The following CLCC1 variants were observed in gnomAD, a reference collection of about 807,000 sequenced individuals.
CLCC1 encodes chloride channel CLIC-like protein 1.
In CLCC1, 39 loss-of-function variants were observed where a neutral mutation model predicts 63.3. The observed-to-expected ratio is 0.62, with a 90% CI of 0.48 to 0.81. CLCC1 has a LOEUF of 0.81. CLCC1 is among the 30% of genes least tolerant of loss of function. CLCC1 has a pLI of 0.00. For missense variants in CLCC1, 549 were observed against 669.4 expected (o/e 0.82, Z 1.98); for synonymous variants, 217 against 239.8 (o/e 0.90, Z 0.88).
In CLCC1 at chr1:108,954,545, A is replaced by G. The variant is rs1325977226; in HGVS notation, c.-11-4097T>C. 4.0e-5 allele frequency among the ~76,000 whole-genome samples: 6 copies of G among 151,060 alleles called. 1 individual carries two copies. The highest frequency in any genetic ancestry group is 1.2e-4 in the African/African-American group (5 of 40,438). ...CCACCACCAGCACTAAGCGCACAGG[A>G]GGAGGAAAACCTGGATTCATTATCC... is the stretch of plus-strand genomic sequence containing the variant. On this transcript the variant is annotated intron_variant, in intron 2 of 12. Coordinates refer to ENST00000369969, the MANE Select transcript of CLCC1 (RefSeq NM_001377458.1).
At chr1:108,961,296 A>C (rs1009331973) in intron 2 of CLCC1, among the ~76,000 whole-genome samples, 2 of 151,740 alleles carry the variant, frequency 1.3e-5, no homozygotes, top group Non-Finnish European at 2.9e-5. Flanking sequence ...AAAAAAAAAA[A>C]AAACGATTCT....
intron 5 of CLCC1, among the ~76,000 whole-genome samples, chr1:108,944,642 T>A (rs1275051516): frequency 6.6e-6 from 1 of 152,062 alleles, no homozygotes; most frequent in Non-Finnish European, 1.5e-5. Flanking sequence ...CGTCTTTTTT[T>A]TTTTTTAGAT....
intron 10 of CLCC1, 37 bp from the exon 11 acceptor site, chr1:108,937,455 A>G (rs552160296): frequency 8.1e-6 from 12 of 1,479,570 alleles, no homozygotes; most frequent in Middle Eastern, 1.8e-4. Flanking sequence ...TGAGGACTCA[A>G]TGGCTAACTT....
chr1:108,942,903 G>A (rs1332633507), intron 7 of CLCC1, among the ~76,000 whole-genome samples: 1 of 151,880 alleles, frequency 6.6e-6, no homozygotes, highest in Non-Finnish European at 1.5e-5. Flanking sequence ...TATCCACATA[G>A]CTTTATTCTT....
chr1:108,933,568 CTT>C (rs1200049122), intron 12 of CLCC1: 4 of 152,360 alleles, frequency 2.6e-5, no homozygotes, highest in South Asian at 2.1e-4. Flanking sequence ...AATTTAAAGA[CTT>C]TATTCCTGAC....
At chr1:108,945,042 A>T (rs1452180633) in intron 5 of CLCC1, among the ~76,000 whole-genome samples, 1 of 152,244 alleles carries the variant, frequency 6.6e-6, no homozygotes, top group Non-Finnish European at 1.5e-5. Context: ...TAACATTTTT[A>T]TCAATTGATC....
intron 2 of CLCC1, among the ~76,000 whole-genome samples, chr1:108,960,009 T>TA (rs1217384321): frequency 1.3e-5 from 2 of 152,016 alleles, no homozygotes; most frequent in African/African-American, 4.8e-5. Context: ...GGCATACGTC[T>TA]ATATTTCCAG....
At chr1:108,958,165 C>G (rs995834028) in intron 2 of CLCC1, among the ~76,000 whole-genome samples, 5 of 151,536 alleles carry the variant, frequency 3.3e-5, no homozygotes, top group African/African-American at 1.2e-4. Context: ...AGGAATCATT[C>G]AGGTAAAGGT....
intron 2 of CLCC1, among the ~76,000 whole-genome samples, chr1:108,957,943 A>G (rs1656122023): frequency 6.6e-6 from 1 of 151,446 alleles, no homozygotes; most frequent in South Asian, 2.1e-4. Context: ...ATCAGAAAGA[A>G]GAGGAGGAAC....
rs1033863099 is a variant in CLCC1, at chr1:108,957,158, T to TAA, written c.-12+5149_-12+5150dup. Among the ~76,000 whole-genome samples, 3 of 151,486 alleles carry TAA rather than the reference T, an allele frequency of 2.0e-5. 1 individual carries two copies. The highest frequency in any genetic ancestry group is 4.9e-5 in the African/African-American group (2 of 40,764). The stretch of plus-strand genomic sequence containing the variant: ...AGGTGATGACAAATGGTCAGACTTT[T>TAA]AAAATCTGTAGGTAGACCCTACTAC... On this transcript the variant is annotated intron_variant, in intron 2 of 12. Coordinates refer to ENST00000369969, the MANE Select transcript of CLCC1 (RefSeq NM_001377458.1).
At chr1:108,935,804 A>G (rs1652835573) in intron 11 of CLCC1, among the ~76,000 whole-genome samples, 1 of 152,124 alleles carries the variant, frequency 6.6e-6, no homozygotes, top group Non-Finnish European at 1.5e-5. Context: ...AAGTAACCAT[A>G]TGATTGATAT....
intron 2 of CLCC1, among the ~76,000 whole-genome samples, chr1:108,961,502 TTTTTA>T (rs1656636430): frequency 6.6e-6 from 1 of 152,212 alleles, no homozygotes; most frequent in Non-Finnish European, 1.5e-5. Context: ...GTCCCTACTA[TTTTTA>T]CCATTTCTCT....
At chr1:108,954,895 C>T (rs1250822376) in intron 2 of CLCC1, among the ~76,000 whole-genome samples, 4 of 149,586 alleles carry the variant, frequency 2.7e-5, no homozygotes, top group African/African-American at 5.0e-5. Context: ...TGCAATGGCA[C>T]GATCTTGGCT....
At chr1:108,960,942 G>A (rs756016551) in intron 2 of CLCC1, among the ~76,000 whole-genome samples, 3 of 152,012 alleles carry the variant, frequency 2.0e-5, no homozygotes, top group Non-Finnish European at 4.4e-5. Flanking sequence ...CCTGCCCGCC[G>A]CCTTGTCTTC....
At chr1:108,947,336 A>T (rs1401810050) in intron 5 of CLCC1, among the ~76,000 whole-genome samples, 2 of 152,128 alleles carry the variant, frequency 1.3e-5, no homozygotes, top group South Asian at 4.1e-4. Context: ...CCACCTCCTC[A>T]CCTCCATTAA....
chr1:108,944,146 C>A (rs556551619), intron 5 of CLCC1, 89 bp from the exon 6 acceptor site: 2 of 911,550 alleles, frequency 2.2e-6, no homozygotes, highest in Admixed American at 5.7e-5. Context: ...CAATTTGGAA[C>A]TAAATATTAG....
At position 108,950,425 on chromosome 1, in the gene CLCC1, A is replaced by C. The variant is rs1411966675; in HGVS notation, c.13T>G (p.Leu5Val). Residue 5 changes from leucine to valine, a missense_variant, in exon 3 of 13, where the codon TTG (leucine) becomes GTG (valine). Coordinates refer to ENST00000369969, the MANE Select transcript of CLCC1 (RefSeq NM_001377458.1). ...AGCAACAGACATTCACAAAGGAGCAAAGAACACAGCATCCTGTATAAGGCT... is the reference window on the plus strand; with the variant it reads ...AGCAACAGACATTCACAAAGGAGCACAGAACACAGCATCCTGTATAAGGCT... Reference protein sequence around the residue: MLCSLLLCECLLLVA... With the variant: MLCSVLLCECLLLVA... The C allele has an allele frequency of 1.4e-5, 23 of 1,608,394 alleles. No homozygotes were observed. The highest frequency in any genetic ancestry group is 2.0e-5 in the Non-Finnish European group (23 of 1,176,512).
intron 8 of CLCC1, among the ~76,000 whole-genome samples, chr1:108,940,735 G>A (rs1393411100): frequency 6.6e-6 from 1 of 152,208 alleles, no homozygotes; most frequent in Non-Finnish European, 1.5e-5. Flanking sequence ...AGCTAGAGGA[G>A]GCATTTCACT....
In CLCC1 at chr1:108,954,477, G is replaced by A. The variant is rs910400692; in HGVS notation, c.-11-4029C>T. 9.3e-5 allele frequency among the ~76,000 whole-genome samples: 14 copies of A among 151,098 alleles called. No individual in the cohort carries two copies. The East Asian group carries it at 1.4e-3, about 15-fold the overall frequency. ...ATCGTGCCACTTCACTCCAGCCTAGGTGAAAGAGTAAAACTCGGTCTCAAA... is the reference window on the plus strand; with the variant it reads ...ATCGTGCCACTTCACTCCAGCCTAGATGAAAGAGTAAAACTCGGTCTCAAA... On this transcript the variant is annotated intron_variant, in intron 2 of 12. Transcript: ENST00000369969.
Sources: gnomAD v4.1 joint callset for allele counts (sites outside exome capture counted in the v4.1 genomes callset) on GRCh38, gnomAD v4.1.1 for gene constraint, MANE v1.5 for transcripts, NCBI Gene and HGNC (gene_info 2026-07-23, HGNC 2026-07-21) for gene names.